Variants in KATNIP observed in about 807,000 individuals in gnomAD.
The protein encoded by KATNIP is katanin-interacting protein.
KATNIP carries 126 observed loss-of-function variants against 174.0 expected under a neutral mutation model. That is an observed-to-expected ratio of 0.72 (90% confidence interval 0.63 to 0.84). The LOEUF (loss-of-function observed/expected upper bound fraction) is 0.84, where lower values mean the gene tolerates loss of function less well. KATNIP is among the 40% of genes least tolerant of loss of function. The probability of loss-of-function intolerance (pLI) is 0.00; values close to 1 mark genes in which losing one functional copy is unlikely to be tolerated. For synonymous variants in KATNIP, 810 were observed against 835.7 expected (o/e 0.97, Z 0.53); for missense variants, 1,958 against 2,109.7 (o/e 0.93, Z 1.41).
intron 14 of KATNIP, among the ~76,000 whole-genome samples, chr16:27,738,718 C>T (rs2080990920): frequency 6.6e-6 from 1 of 152,156 alleles, no homozygotes; most frequent in Non-Finnish European, 1.5e-5. Context: ...GTTCTGAGTC[C>T]AGAAGTTACC....
chr16:27,748,306 C>T (rs910077600), intron 15 of KATNIP, among the ~76,000 whole-genome samples: 19 of 152,164 alleles, frequency 1.2e-4, no homozygotes, highest in African/African-American at 3.6e-4. Flanking sequence ...TTTGGCTGGG[C>T]GCGGTGGCTT....
chr16:27,550,665 C>G (rs1314745162), intron 1 of KATNIP, among the ~76,000 whole-genome samples: 2 of 152,162 alleles, frequency 1.3e-5, no homozygotes, highest in African/African-American at 4.8e-5. Context: ...CTTTCCAGTA[C>G]CAAGAACTCT....
chr16:27,558,825 A>C (rs1323076571), intron 1 of KATNIP, among the ~76,000 whole-genome samples: 2 of 150,448 alleles, frequency 1.3e-5, no homozygotes, highest in African/African-American at 5.0e-5. Context: ...TCAATGGGAT[A>C]CTGTGATTGT....
At position 27,674,445 on chromosome 16, in the gene KATNIP, C is replaced by T. The variant is rs1382735362; in HGVS notation, c.541-3284C>T. Among the ~76,000 whole-genome samples, 3 of 152,232 alleles carry T rather than the reference C, an allele frequency of 2.0e-5. No homozygotes were observed. In the East Asian group the frequency reaches 5.8e-4, roughly 29 times the overall value. ...TCGAGAGGAAAGCTCATTTCCTTGT[C>T]TTTTTCAGACTGTAGAGGCCACCTA... On this transcript the variant is annotated intron_variant, in intron 6 of 27. Transcript: ENST00000261588.
chr16:27,567,808 G>A (rs1178975681), intron 1 of KATNIP, among the ~76,000 whole-genome samples: 3 of 151,944 alleles, frequency 2.0e-5, no homozygotes, highest in Non-Finnish European at 4.4e-5. Context: ...GATTACAGGC[G>A]TGAGCCACTG....
At position 27,681,623 on chromosome 16, in the gene KATNIP, T is replaced by A. The variant is rs2078347036; in HGVS notation, c.940+93T>A. On this transcript the variant is annotated intron_variant, in intron 8 of 27. Transcript: ENST00000261588. ...GATGGGAGGCCGCACTTCATTACCCTCCTTGCAGAGGGCTAGCTGCCCTTT... is the reference window on the plus strand; with the variant it reads ...GATGGGAGGCCGCACTTCATTACCCACCTTGCAGAGGGCTAGCTGCCCTTT... 2.1e-6 allele frequency: 3 copies of A among 1,448,900 alleles called. No individual in the cohort carries two copies. The African/African-American group carries it at 4.2e-5, about 20-fold the overall frequency. 89.8% of individuals were successfully genotyped at this position (1,448,900 alleles called of 1,614,324 possible).
intron 14 of KATNIP, among the ~76,000 whole-genome samples, chr16:27,738,063 G>A (rs1423694722): frequency 3.9e-5 from 6 of 152,118 alleles, no homozygotes; most frequent in African/African-American, 1.2e-4. Flanking sequence ...CAGATCATGC[G>A]GGGGGCCCTG....
chr16:27,592,808 A>G (rs964375889), intron 2 of KATNIP, among the ~76,000 whole-genome samples: 2 of 151,780 alleles, frequency 1.3e-5, no homozygotes, highest in Admixed American at 6.6e-5. Flanking sequence ...ACCTGCCTCA[A>G]CCTCCCAAAT....
At chr16:27,725,229 A>C (rs964913503) in intron 14 of KATNIP, among the ~76,000 whole-genome samples, 1 of 152,244 alleles carries the variant, frequency 6.6e-6, no homozygotes, top group African/African-American at 2.4e-5. Flanking sequence ...CAAATGAATC[A>C]TCTCAATTAA....
intron 2 of KATNIP, among the ~76,000 whole-genome samples, chr16:27,588,878 C>CT (rs11346883): frequency 1.7e-3 from 135 of 78,090 alleles, no homozygotes; most frequent in Middle Eastern, 7.7e-3. Flanking sequence ...CAACTCTATT[C>CT]TTTTTTTTTT....
rs942737375 is a variant in KATNIP, at chr16:27,741,901, C to CA, written c.2623+990dup. 5.2e-4 allele frequency among the ~76,000 whole-genome samples: 78 copies of CA among 149,916 alleles called. 1 individual carries two copies. Among genetic ancestry groups the CA allele is most frequent in the African/African-American group, 1.8e-3 (74 of 40,866 alleles). ...TGGGCAAGAGAGTGAGACTCCGTCT[C>CA]AAAAAAAAATAATGAATGCAAGGCC... On this transcript the variant is annotated intron_variant, in intron 15 of 27. Transcript: ENST00000261588.
At chr16:27,697,907 T>C (rs2078970571) in intron 8 of KATNIP, among the ~76,000 whole-genome samples, 1 of 152,178 alleles carries the variant, frequency 6.6e-6, no homozygotes. Context: ...CTATTTGAAA[T>C]TAAGTGGCAG....
intron 1 of KATNIP, among the ~76,000 whole-genome samples, chr16:27,566,648 G>A (rs1307962464): frequency 6.6e-6 from 1 of 152,188 alleles, no homozygotes; most frequent in Non-Finnish European, 1.5e-5. Flanking sequence ...GGGCAAGCAC[G>A]CTGAGCATAC....
chr16:27,751,990 G>C (rs2081540079), intron 17 of KATNIP, 66 bp downstream of exon 17: 1 of 1,301,604 alleles, frequency 7.7e-7, no homozygotes, highest in East Asian at 2.4e-5. Context: ...ACTCAGAGTA[G>C]AGCAGGGAGA....
chr16:27,763,521 G>A (rs915000311), intron 19 of KATNIP, among the ~76,000 whole-genome samples: 2 of 148,670 alleles, frequency 1.3e-5, no homozygotes, highest in African/African-American at 2.5e-5. Flanking sequence ...ATGCTGAGGT[G>A]GGAGGATCAC....
intron 18 of KATNIP, chr16:27,754,592 C>T (rs2081645491): frequency 4.1e-6 from 1 of 241,846 alleles, no homozygotes; most frequent in African/African-American, 2.3e-5. Context: ...GACATTAGAG[C>T]CTGAAGAGAC....
chr16:27,766,713 G>A lies in KATNIP; in HGVS notation c.3975+239G>A, dbSNP rs186416849. On this transcript the variant is annotated intron_variant, in intron 20 of 27. Coordinates refer to ENST00000261588, the MANE Select transcript of KATNIP (RefSeq NM_015202.5). Reference sequence around the variant, plus strand: ...CAGCACCGTTTCTCCTGGTGCTGGGGGGTCCTAGGCAGGTCCAGGCCCCAG... The same window carrying A: ...CAGCACCGTTTCTCCTGGTGCTGGGAGGTCCTAGGCAGGTCCAGGCCCCAG... Among the ~76,000 whole-genome samples, 346 of 152,320 alleles carry A rather than the reference G, an allele frequency of 2.3e-3. 1 individual carries two copies. Among genetic ancestry groups the A allele is most frequent in the African/African-American group, 7.9e-3 (327 of 41,574 alleles).
At chr16:27,715,619 A>G (rs1468852514) in intron 13 of KATNIP, among the ~76,000 whole-genome samples, 1 of 152,206 alleles carries the variant, frequency 6.6e-6, no homozygotes, top group Non-Finnish European at 1.5e-5. Flanking sequence ...CAATTAAAAT[A>G]TGGCCAAAGG....
chr16:27,642,585 C>T lies in KATNIP; in HGVS notation c.409-6019C>T, dbSNP rs149790376. Among the ~76,000 whole-genome samples, 34 of 152,258 alleles carry T rather than the reference C, an allele frequency of 2.2e-4. 1 individual carries two copies. The East Asian group carries it at 6.6e-3, about 29-fold the overall frequency. On this transcript the variant is annotated intron_variant, in intron 5 of 27. Coordinates refer to ENST00000261588, the MANE Select transcript of KATNIP (RefSeq NM_015202.5). Reference sequence around the variant, plus strand: ...TTATATGTTCCGGGTAGTGCTTTCCCTCCACAGCCCTAGCGCCGAGGGTAA... The same window carrying T: ...TTATATGTTCCGGGTAGTGCTTTCCTTCCACAGCCCTAGCGCCGAGGGTAA...
Sources: gnomAD v4.1 joint callset for allele counts (sites outside exome capture counted in the v4.1 genomes callset) on GRCh38, gnomAD v4.1.1 for gene constraint, MANE v1.5 for transcripts, NCBI Gene and HGNC (gene_info 2026-07-23, HGNC 2026-07-21) for gene names.